The following ERBB4 variants were observed in gnomAD, a reference collection of about 807,000 sequenced individuals.
ERBB4 encodes the protein receptor tyrosine-protein kinase erbB-4.
In ERBB4, 42 loss-of-function variants were observed where a neutral mutation model predicts 158.0. That is an observed-to-expected ratio of 0.27 (90% CI 0.21 to 0.34). The LOEUF (loss-of-function observed/expected upper bound fraction) is 0.34, where lower values mean the gene tolerates loss of function less well. Among genes scored for constraint, ERBB4 ranks in the 10% least tolerant of loss-of-function variants. The pLI is 1.00. For missense variants in ERBB4, 1,333 were observed against 1,624.1 expected (o/e 0.82, Z 3.08); for synonymous variants, 583 against 558.7 (o/e 1.04, Z -0.61).
chr2:212,488,852 T>C (rs1369825308), intron 1 of ERBB4, among the ~76,000 whole-genome samples: 1 of 150,938 alleles, frequency 6.6e-6, no homozygotes, highest in East Asian at 1.9e-4. Flanking sequence ...AAATCTCTAC[T>C]GAACCTTCCC....
Position 211,383,264 on chromosome 2 carries a change from G to T in ERBB4, c.*351C>A. 8 of 261,720 alleles carry T rather than the reference G, an allele frequency of 3.1e-5. No individual in the cohort carries two copies. Among genetic ancestry groups the T allele is most frequent in the East Asian group, 5.9e-5 (1 of 16,932 alleles). The allele number at this position is 261,720 out of a possible 1,614,324, so 16.2% of individuals were successfully genotyped here. A position where few individuals can be genotyped will look rare whatever the true frequency, so the allele number is the denominator to read the frequency against. ...CTTTAAAAAAAAAAAAAAAAAAGAA[G>T]AGGAAGAAAGAAACAAAGAAAGAAA... is the stretch of plus-strand genomic sequence containing the variant. On this transcript the variant is annotated 3_prime_UTR_variant, in exon 28 of 28. Transcript: ENST00000342788.
intron 3 of ERBB4, among the ~76,000 whole-genome samples, chr2:211,919,586 C>T (rs530214381): frequency 2.0e-5 from 3 of 152,060 alleles, no homozygotes; most frequent in South Asian, 4.1e-4. Context: ...GGTATTTATC[C>T]TTTGGGGCTC....
At chr2:211,915,200 AC>A (rs1213781430) in intron 3 of ERBB4, among the ~76,000 whole-genome samples, 1 of 152,134 alleles carries the variant, frequency 6.6e-6, no homozygotes, top group Non-Finnish European at 1.5e-5. Flanking sequence ...TAATATTACC[AC>A]CAAGCCCTAA....
At chr2:211,998,127 T>C (rs976654281) in intron 2 of ERBB4, among the ~76,000 whole-genome samples, 9 of 151,996 alleles carry the variant, frequency 5.9e-5, no homozygotes, top group African/African-American at 2.2e-4. Flanking sequence ...GGCACATGTA[T>C]ACATATGTAA....
At chr2:212,115,871 A>C (rs572080658) in intron 2 of ERBB4, among the ~76,000 whole-genome samples, 3 of 152,240 alleles carry the variant, frequency 2.0e-5, no homozygotes, top group Non-Finnish European at 2.9e-5. Context: ...TTTTGAAGCC[A>C]AATTTAAATA....
intron 1 of ERBB4, among the ~76,000 whole-genome samples, chr2:212,239,660 C>T (rs75543393): frequency 0.055 from 8,390 of 152,178 alleles, 322 homozygotes; most frequent in Non-Finnish European, 0.081. Context: ...GAGAGGATTG[C>T]TTTTATTCAT....
At chr2:211,679,286 A>T (rs1048929673) in intron 12 of ERBB4, 102 bp from the exon 13 acceptor site, 30 of 1,345,562 alleles carry the variant, frequency 2.2e-5, no homozygotes, top group Non-Finnish European at 2.8e-5. Flanking sequence ...CTTAAAAGAG[A>T]TATATGGCAA....
chr2:211,915,192 A>C (rs2079653166), intron 3 of ERBB4, among the ~76,000 whole-genome samples: 1 of 152,114 alleles, frequency 6.6e-6, no homozygotes, highest in Admixed American at 6.5e-5. Flanking sequence ...TGAGGTTCTA[A>C]TATTACCACC....
At position 211,764,785 on chromosome 2, in the gene ERBB4, A is replaced by C. The variant is rs370113094; in HGVS notation, c.557-14081T>G. 5.3e-5 allele frequency among the ~76,000 whole-genome samples: 8 copies of C among 152,196 alleles called. 1 individual carries two copies. The highest frequency in any genetic ancestry group is 1.9e-4 in the African/African-American group (8 of 41,466). On this transcript the variant is annotated intron_variant, in intron 4 of 27. Coordinates refer to ENST00000342788, the MANE Select transcript of ERBB4 (RefSeq NM_005235.3). ...CAAAATATATTAGAACACACATAGGAAGACAAATTTTGTGTCACAACAAGG... is the reference window on the plus strand; with the variant it reads ...CAAAATATATTAGAACACACATAGGCAGACAAATTTTGTGTCACAACAAGG...
intron 1 of ERBB4, among the ~76,000 whole-genome samples, chr2:212,437,046 T>C (rs1560317497): frequency 2.0e-5 from 3 of 152,022 alleles, no homozygotes. Flanking sequence ...AGACTGGTTG[T>C]AAAGCAAACC....
At chr2:211,759,532 T>C (rs993159499) in intron 4 of ERBB4, among the ~76,000 whole-genome samples, 1 of 152,080 alleles carries the variant, frequency 6.6e-6, no homozygotes, top group East Asian at 1.9e-4. Flanking sequence ...TCCTAGGACA[T>C]ACAAGGTTCA....
chr2:211,781,746 A>G (rs1215339705), intron 4 of ERBB4, among the ~76,000 whole-genome samples: 1 of 152,094 alleles, frequency 6.6e-6, no homozygotes, highest in Non-Finnish European at 1.5e-5. Context: ...TAACTCATTT[A>G]TTGCTCGTAA....
At chr2:211,807,613 T>C (rs2076649917) in intron 3 of ERBB4, among the ~76,000 whole-genome samples, 1 of 152,254 alleles carries the variant, frequency 6.6e-6, no homozygotes, top group Admixed American at 6.5e-5. Flanking sequence ...TATATGTGCA[T>C]GTGTCTTTAC....
intron 20 of ERBB4, among the ~76,000 whole-genome samples, chr2:211,532,958 T>C (rs1425891278): frequency 1.3e-5 from 2 of 151,686 alleles, no homozygotes; most frequent in Admixed American, 1.3e-4. Context: ...TTAACATTTA[T>C]ATTATTTAGC....
At chr2:212,121,402 G>A (rs149866369) in intron 2 of ERBB4, among the ~76,000 whole-genome samples, 18 of 152,034 alleles carry the variant, frequency 1.2e-4, no homozygotes, top group Non-Finnish European at 2.1e-4. Context: ...TAGTCGAGAC[G>A]AGGTTTCACT....
At chr2:211,767,727 G>C (rs62183029) in intron 4 of ERBB4, among the ~76,000 whole-genome samples, 3 of 151,982 alleles carry the variant, frequency 2.0e-5, no homozygotes, top group Non-Finnish European at 4.4e-5. Flanking sequence ...ACAGCAGCAT[G>C]AGGGTAACAG....
chr2:211,869,086 C>T (rs2078279085), intron 3 of ERBB4, among the ~76,000 whole-genome samples: 1 of 141,282 alleles, frequency 7.1e-6, no homozygotes, highest in Non-Finnish European at 1.6e-5. Flanking sequence ...CCTTTGGAAT[C>T]TTGTCCCAAC....
intron 19 of ERBB4, among the ~76,000 whole-genome samples, chr2:211,580,759 T>A (rs1380365200): frequency 7.3e-6 from 1 of 136,836 alleles, no homozygotes; most frequent in Non-Finnish European, 1.6e-5. Flanking sequence ...CAAATCCCCA[T>A]CAATCAACGG....
chr2:211,582,041 G>C (rs987348248), intron 19 of ERBB4, among the ~76,000 whole-genome samples: 2 of 151,936 alleles, frequency 1.3e-5, no homozygotes, highest in African/African-American at 4.8e-5. Context: ...GTTAGTATTG[G>C]TCAATCTTGC....
Sources: allele counts gnomAD v4.1 joint callset (sites outside exome capture counted in the v4.1 genomes callset), GRCh38; gene constraint gnomAD v4.1.1; transcripts MANE v1.5; gene names NCBI Gene and HGNC (gene_info 2026-07-23, HGNC 2026-07-21).